Variants in PXYLP1 observed in about 807,000 individuals in gnomAD.
PXYLP1 encodes the protein acid phosphatase-like 2.
Under a neutral mutation model 37.9 loss-of-function variants are expected in PXYLP1, and 17 were observed. The observed-to-expected ratio is 0.45, with a 90% CI of 0.31 to 0.67. The LOEUF (loss-of-function observed/expected upper bound fraction) is 0.67. Ranked by LOEUF, PXYLP1 falls within the 30% of genes least tolerant of loss-of-function variation. The pLI, the probability that PXYLP1 is intolerant of heterozygous loss-of-function variation, is 0.07. For synonymous variants in PXYLP1, 221 were observed against 232.2 expected (o/e 0.95, Z 0.44); for missense variants, 511 against 612.0 (o/e 0.84, Z 1.74).
At position 141,278,617 on chromosome 3, in the gene PXYLP1, G is replaced by A; in HGVS notation, c.238+117G>A. 5 of 1,353,328 alleles carry A rather than the reference G, an allele frequency of 3.7e-6. No homozygotes were observed. In the Admixed American group the frequency reaches 8.7e-5, roughly 23 times the overall value. The allele number at this position is 1,353,328 out of a possible 1,614,324, so 83.8% of individuals were successfully genotyped here. A position where few individuals can be genotyped will look rare whatever the true frequency, so the allele number is the denominator to read the frequency against. On this transcript the variant is annotated intron_variant, in intron 3 of 5. Transcript: ENST00000286353. ...ACCCAAGTCCTGCAGTTGCCACCAG[G>A]CTGTGCCCTTGAATGAGTTCCTGGG...
At chr3:141,277,160 A>C (rs1278823528) in intron 2 of PXYLP1, among the ~76,000 whole-genome samples, 1 of 152,188 alleles carries the variant, frequency 6.6e-6, no homozygotes, top group East Asian at 1.9e-4. Flanking sequence ...TCTGTTTGCC[A>C]AAGGGAAGTT....
At chr3:141,290,254 T>C (rs1942169397) in intron 5 of PXYLP1, among the ~76,000 whole-genome samples, 2 of 152,172 alleles carry the variant, frequency 1.3e-5, no homozygotes, top group Admixed American at 6.5e-5. Context: ...CAGCACACAA[T>C]GTGCGTGGAG....
intron 2 of PXYLP1, chr3:141,273,656 A>AGACCTTGTC: frequency 1.0e-6 from 1 of 985,432 alleles, no homozygotes; most frequent in East Asian, 1.1e-4. Context: ...TTTGAAATTG[A>AGACCTTGTC]GACCTTGTCG....
At chr3:141,273,911 A>G (rs4683592) in intron 2 of PXYLP1, 789,743 of 985,228 alleles carry the variant, frequency 0.8, 317,797 homozygotes, top group African/African-American at 0.96. Flanking sequence ...TGGCCCCAGG[A>G]CACTCATTTA....
chr3:141,275,415 C>A (rs1043240887), intron 2 of PXYLP1, among the ~76,000 whole-genome samples: 3 of 152,218 alleles, frequency 2.0e-5, no homozygotes, highest in Admixed American at 6.5e-5. Flanking sequence ...CTGTGTCACT[C>A]ATATTATCCT....
intron 2 of PXYLP1, chr3:141,267,595 A>G (rs1941549037): frequency 6.8e-6 from 1 of 146,142 alleles, no homozygotes; most frequent in Admixed American, 6.9e-5. Flanking sequence ...CAGTTGCCAC[A>G]TAGAGTTAAA....
chr3:141,237,942 A>T (rs937617074), intron 1 of PXYLP1, among the ~76,000 whole-genome samples: 5 of 152,180 alleles, frequency 3.3e-5, no homozygotes, highest in African/African-American at 1.2e-4. Context: ...TCTTGGCCAC[A>T]GGTTGTTAGT....
At chr3:141,268,239 G>C (rs900879935) in intron 2 of PXYLP1, among the ~76,000 whole-genome samples, 6 of 144,616 alleles carry the variant, frequency 4.1e-5, no homozygotes, top group South Asian at 4.3e-4. Flanking sequence ...GTGTGTGTGT[G>C]TGTCTTGAGT....
chr3:141,249,241 C>G (rs375601656), intron 1 of PXYLP1, among the ~76,000 whole-genome samples: 1 of 152,202 alleles, frequency 6.6e-6, no homozygotes, highest in African/African-American at 2.4e-5. Flanking sequence ...CCAGTGAGAA[C>G]AGGGTCTTGC....
At chr3:141,263,205 A>G (rs1431976613) in intron 2 of PXYLP1, among the ~76,000 whole-genome samples, 2 of 152,246 alleles carry the variant, frequency 1.3e-5, no homozygotes, top group Non-Finnish European at 2.9e-5. Context: ...ATATTTATTA[A>G]GTGCTTATGT....
In PXYLP1 at chr3:141,292,290, C is replaced by A; in HGVS notation, c.528C>A (p.Asn176Lys). Residue 176 changes from asparagine to lysine, a missense_variant, in exon 6 of 6, where the codon AAC becomes AAA. Asn to Lys is a moderately conservative substitution (Grantham distance 94). Transcript: ENST00000286353. The surrounding 1 kb of genome is among the most constrained non-coding windows in gnomAD (Gnocchi z 4.3). ...TQTGVVQHLQ[N>K]GQLLRDIYLK... The stretch of plus-strand genomic sequence containing the variant: ...CAGGAGTTGTGCAGCATTTGCAGAA[C>A]GGTCAGCTGCTGAGGGATATCTATC... 1 of 1,597,202 alleles carries A rather than the reference C, an allele frequency of 6.3e-7. No homozygotes were observed. The highest frequency in any genetic ancestry group is 8.5e-7 in the Non-Finnish European group (1 of 1,171,284).
chr3:141,243,713 G>A (rs1198308258), intron 1 of PXYLP1, among the ~76,000 whole-genome samples: 4 of 152,236 alleles, frequency 2.6e-5, no homozygotes, highest in Non-Finnish European at 5.9e-5. Context: ...GGTTCGGCAG[G>A]TGGATGGAGC....
At chr3:141,272,391 C>A (rs892366284) in intron 2 of PXYLP1, among the ~76,000 whole-genome samples, 3 of 152,020 alleles carry the variant, frequency 2.0e-5, no homozygotes, top group Non-Finnish European at 2.9e-5. Context: ...TCCATGGGGA[C>A]CATCAATGGA....
intron 3 of PXYLP1, 124 bp downstream of exon 3, chr3:141,278,624 C>T: frequency 1.6e-6 from 2 of 1,263,356 alleles, no homozygotes; most frequent in Non-Finnish European, 2.2e-6. Flanking sequence ...CAGGCTGTGC[C>T]CTTGAATGAG....
intron 1 of PXYLP1, among the ~76,000 whole-genome samples, chr3:141,254,276 C>G (rs1415613501): frequency 6.6e-6 from 1 of 152,178 alleles, no homozygotes; most frequent in Non-Finnish European, 1.5e-5. Context: ...TACTTTAGTG[C>G]CTTTCAGCTG....
intron 2 of PXYLP1, among the ~76,000 whole-genome samples, chr3:141,276,240 G>A (rs1273176018): frequency 1.6e-4 from 25 of 152,214 alleles, no homozygotes; most frequent in Non-Finnish European, 2.4e-4. Flanking sequence ...ATGACTGTAC[G>A]TATATGTGTG....
At position 141,273,219 on chromosome 3, in the gene PXYLP1, C is replaced by T. The variant is rs1412830426; in HGVS notation, c.80-5123C>T. ...TTGTCCATTTTATTCTCTGAAGAAT[C>T]CCCAGCATGTGCTCCATACATGTTG... On this transcript the variant is annotated intron_variant, in intron 2 of 5. Coordinates refer to ENST00000286353, the MANE Select transcript of PXYLP1 (RefSeq NM_001037172.3). 3 of 985,224 alleles carry T rather than the reference C, an allele frequency of 3.0e-6. No homozygotes were observed. In the Admixed American group the frequency reaches 1.8e-4, roughly 61 times the overall value. 61.0% of individuals were successfully genotyped at this position (985,224 alleles called of 1,614,324 possible). A position where few individuals can be genotyped will look rare whatever the true frequency, so the allele number is the denominator to read the frequency against.
intron 2 of PXYLP1, among the ~76,000 whole-genome samples, chr3:141,278,072 A>G (rs1209787648): frequency 6.6e-6 from 1 of 152,168 alleles, no homozygotes; most frequent in African/African-American, 2.4e-5. Context: ...TCTTCCTCCA[A>G]CTGCCCTGAG....
At chr3:141,281,867 A>C (rs1350937873) in intron 4 of PXYLP1, among the ~76,000 whole-genome samples, 1 of 152,198 alleles carries the variant, frequency 6.6e-6, no homozygotes, top group Non-Finnish European at 1.5e-5. Flanking sequence ...CACAGGCTCA[A>C]GCGTGGAGTG....
Sources: gnomAD v4.1 joint callset for allele counts (sites outside exome capture counted in the v4.1 genomes callset) on GRCh38, gnomAD v4.1.1 for gene constraint, Gnocchi (gnomAD v3.1) non-coding constraint, MANE v1.5 for transcripts, NCBI Gene and HGNC (gene_info 2026-07-23, HGNC 2026-07-21) for gene names.